HUWE1: variants seen among roughly 807,000 people sequenced by gnomAD.
The protein encoded by HUWE1 is HECT, UBA and WWE domain containing E3 ubiquitin protein ligase 1.
Under a neutral mutation model 299.4 loss-of-function variants are expected in HUWE1, and 18 were observed. That is an observed-to-expected ratio of 0.06 (90% CI 0.04 to 0.09). HUWE1 has a LOEUF of 0.09. Ranked by LOEUF, HUWE1 falls within the 10% of genes least tolerant of loss-of-function variation. The pLI, the probability that HUWE1 is intolerant of heterozygous loss-of-function variation, is 1.00. For synonymous variants in HUWE1, 1,317 were observed against 1,286.1 expected, an observed-to-expected ratio of 1.02 and a Z score of -0.51; for missense variants, 1,832 against 3,462.3, an observed-to-expected ratio of 0.53 and a Z score of 11.82.
At chrX:53,587,443 T>C (rs1316391662) in intron 37 of HUWE1, among the ~76,000 whole-genome samples, 2 of 112,534 alleles carry the variant, frequency 1.8e-5, no homozygotes, top group Non-Finnish European at 3.8e-5. Flanking sequence ...GATGGACTAA[T>C]GTATATAGCA....
At chrX:53,658,011 T>G (rs2068828366) in intron 3 of HUWE1, among the ~76,000 whole-genome samples, 1 of 80,742 alleles carries the variant, frequency 1.2e-5, no homozygotes. Flanking sequence ...ATGGCGCCAC[T>G]GCACTCCAGC....
chrX:53,585,337 T>C (rs2063805187), intron 39 of HUWE1, 149 bp from the exon 40 acceptor site: 9 of 555,777 alleles, frequency 1.6e-5, no homozygotes, highest in South Asian at 2.8e-5. Context: ...ACATTTTTCA[T>C]ATGCATTTAC....
intron 43 of HUWE1, among the ~76,000 whole-genome samples, chrX:53,577,497 TC>T: frequency 3.9e-5 from 1 of 25,965 alleles, no homozygotes; most frequent in Non-Finnish European, 1.0e-4. Context: ...CTCCTCTCCC[TC>T]CTCTCCCTCT....
At chrX:53,544,824 A>C in intron 71 of HUWE1, 62 bp from the exon 72 acceptor site, 1 of 1,003,161 alleles carries the variant, frequency 1.0e-6, no homozygotes, top group East Asian at 3.0e-5. Context: ...ACCCAAAGCA[A>C]GCAAGGCTTC....
intron 18 of HUWE1, 82 bp from the exon 19 acceptor site, chrX:53,624,757 G>A: frequency 1.5e-6 from 1 of 673,614 alleles, no homozygotes; most frequent in Non-Finnish European, 2.4e-6. Context: ...GATATGTTAT[G>A]TATTATCACA....
At chrX:53,657,440 T>G (rs1557043467) in intron 3 of HUWE1, among the ~76,000 whole-genome samples, 3 of 111,127 alleles carry the variant, frequency 2.7e-5, no homozygotes, top group Non-Finnish European at 5.7e-5. Flanking sequence ...GCAGGAGAAT[T>G]GCTTGAATCC....
At chrX:53,565,561 T>C (rs2062486408) in intron 49 of HUWE1, among the ~76,000 whole-genome samples, 1 of 90,793 alleles carries the variant, frequency 1.1e-5, no homozygotes, top group African/African-American at 3.5e-5. Flanking sequence ...GTACTCAGGA[T>C]TTTTTTTTTT....
intron 17 of HUWE1, chrX:53,625,859 GGGGCCGGGGCCGGGGCCGGGGCCA>G (rs781952031): frequency 2.1e-5 from 4 of 192,422 alleles, no homozygotes. Flanking sequence ...GGCCAGGGCC[GGGGCCGGGGCCGGGGCCGGGGCCA>G]GGGCCGGTGC....
chrX:53,651,600 G>A (rs1261725666), intron 4 of HUWE1, among the ~76,000 whole-genome samples: 2 of 111,226 alleles, frequency 1.8e-5, no homozygotes, highest in African/African-American at 3.3e-5. Flanking sequence ...CTTTTGTATT[G>A]TTCTTTTTTA....
intron 4 of HUWE1, among the ~76,000 whole-genome samples, chrX:53,651,296 C>T (rs1377677035): frequency 9.0e-6 from 1 of 111,235 alleles, no homozygotes; most frequent in East Asian, 2.8e-4. Context: ...TCCAAGTTTC[C>T]TTGTGTCCCT....
Position 53,583,628 on chromosome X carries a change from G to C in HUWE1, c.5450C>G (p.Thr1817Ser). Residue 1817 changes from threonine (T) to serine (S), a missense_variant, in exon 42 of 84, where the codon ACT becomes AGT. Transcript: ENST00000262854. ...LTQSSGFNGFTPLVTLLLRHI... is the reference protein window; with the variant it reads ...LTQSSGFNGFSPLVTLLLRHI... Reference sequence around the variant, plus strand: ...TCTTAAGAGAAGGGTGACCAGGGGAGTAAACCCATTGAAGCCTGAGCTCTG... The same window carrying C: ...TCTTAAGAGAAGGGTGACCAGGGGACTAAACCCATTGAAGCCTGAGCTCTG... 8.3e-7 allele frequency: 1 copy of C among 1,211,131 alleles called. No homozygotes were observed. The highest frequency in any genetic ancestry group is 1.1e-6 in the Non-Finnish European group (1 of 894,928).
chrX:53,534,555 G>A lies in HUWE1; in HGVS notation c.12792C>T (p.Ser4264=). Reference sequence around the variant, plus strand: ...ACTGGTACTTGTGGTATTCAGTGTTGGATTTCAGATCATCGATGTCAATGG... The same window carrying A: ...ACTGGTACTTGTGGTATTCAGTGTTAGATTTCAGATCATCGATGTCAATGG... The part of the protein sequence containing the change: ...LPTIDIDDLK[S]NTEYHKYQSN... Residue 4264 remains serine (S), a synonymous_variant, in exon 82 of 84, where the codon TCC becomes TCT. Transcript: ENST00000262854. The A allele has an allele frequency of 8.3e-7, 1 of 1,210,283 alleles. No individual in the cohort carries two copies.
At chrX:53,639,379 A>C (rs782320328) in intron 7 of HUWE1, among the ~76,000 whole-genome samples, 1 of 111,774 alleles carries the variant, frequency 8.9e-6, no homozygotes, top group East Asian at 2.8e-4. Flanking sequence ...AGATTGCTTA[A>C]TGTAGCATCA....
intron 82 of HUWE1, 67 bp downstream of exon 82, chrX:53,534,449 T>A: frequency 1.0e-6 from 1 of 985,600 alleles, no homozygotes; most frequent in Non-Finnish European, 1.4e-6. Context: ...GTTTATTTGG[T>A]ATCACACAAA....
At chrX:53,676,889 T>C (rs782064036) in intron 3 of HUWE1, among the ~76,000 whole-genome samples, 2 of 111,677 alleles carry the variant, frequency 1.8e-5, no homozygotes, top group South Asian at 7.5e-4. Flanking sequence ...TGAGTATTTA[T>C]CCTGCTCTTC....
rs961695367 is a variant in HUWE1 at position 53,665,679 on chromosome X, A to G, written c.-24-11548T>C. On this transcript the variant is annotated intron_variant, in intron 3 of 83. Transcript: ENST00000262854. Reference sequence around the variant, plus strand: ...AAGTTGCAGATTATCAATTTTACCAATACAGAGGAAATGACAGCATGCTAA... The same window carrying G: ...AAGTTGCAGATTATCAATTTTACCAGTACAGAGGAAATGACAGCATGCTAA... Among the ~76,000 whole-genome samples the G allele has an allele frequency of 8.9e-5, 10 of 112,560 alleles. No homozygotes were observed. In the East Asian group the frequency reaches 2.5e-3, roughly 28 times the overall value.
intron 79 of HUWE1, 61 bp downstream of exon 79, chrX:53,536,319 G>C: frequency 8.6e-7 from 1 of 1,159,393 alleles, no homozygotes; most frequent in Non-Finnish European, 1.2e-6. Flanking sequence ...ACAAGGATGG[G>C]ACACAAAAAG....
chrX:53,535,777 G>A (rs925339866), intron 80 of HUWE1: 8 of 393,365 alleles, frequency 2.0e-5, no homozygotes, highest in Non-Finnish European at 3.1e-5. Flanking sequence ...AAAAGGGAAT[G>A]GCTAACATAT....
In HUWE1 at chrX:53,667,568, T is replaced by C. The variant is rs1557048036; in HGVS notation, c.-25+12481A>G. Among the ~76,000 whole-genome samples the C allele has an allele frequency of 5.3e-5, 6 of 112,211 alleles. No individual in the cohort carries two copies. The Admixed American group carries it at 5.7e-4, about 11-fold the overall frequency. On this transcript the variant is annotated intron_variant, in intron 3 of 83. Coordinates refer to ENST00000262854, the MANE Select transcript of HUWE1 (RefSeq NM_031407.7). ...GAAAGTGGAAAACAAAATGGTTATG[T>C]GGGTACTCAAGTATGCTTTCTACTA...
Sources: gnomAD v4.1 joint callset for allele counts (sites outside exome capture counted in the v4.1 genomes callset) on GRCh38, gnomAD v4.1.1 for gene constraint, MANE v1.5 for transcripts, NCBI Gene and HGNC (gene_info 2026-07-23, HGNC 2026-07-21) for gene names.